The following CPNE2 variants were observed in gnomAD, a reference collection of about 807,000 sequenced individuals.
CPNE2 encodes copine 2.
Under a neutral mutation model 69.7 loss-of-function variants are expected in CPNE2, and 42 were observed. The observed-to-expected ratio is 0.60, with a 90% CI of 0.47 to 0.78. CPNE2 has a LOEUF of 0.78. CPNE2 is among the 30% of genes least tolerant of loss of function. The pLI is 0.00. For synonymous variants in CPNE2, 294 were observed against 289.8 expected (o/e 1.01, Z -0.15); for missense variants, 587 against 732.0 (o/e 0.80, Z 2.29).
At chr16:57,106,654 G>A (rs2069650557) in intron 1 of CPNE2, among the ~76,000 whole-genome samples, 1 of 145,836 alleles carries the variant, frequency 6.9e-6, no homozygotes, top group South Asian at 2.1e-4. Context: ...GGTGGCCCAG[G>A]TGGCATCTAA....
At chr16:57,131,574 C>G (rs1159668201) in intron 12 of CPNE2, among the ~76,000 whole-genome samples, 1 of 152,210 alleles carries the variant, frequency 6.6e-6, no homozygotes, top group African/African-American at 2.4e-5. Flanking sequence ...GCAAAAGCCT[C>G]CTTGTAAATG....
chr16:57,137,404 C>T, intron 14 of CPNE2, 122 bp downstream of exon 14: 2 of 1,275,948 alleles, frequency 1.6e-6, no homozygotes, highest in Non-Finnish European at 1.1e-6. Flanking sequence ...CCTTGCTTTA[C>T]CTTCACGTAT....
chr16:57,132,089 A>G (rs551059333), intron 12 of CPNE2, among the ~76,000 whole-genome samples: 1 of 152,216 alleles, frequency 6.6e-6, no homozygotes, highest in Non-Finnish European at 1.5e-5. Flanking sequence ...GACCCAGCCC[A>G]AATTTGGGAC....
Position 57,127,348 on chromosome 16 carries a change from G to T in CPNE2, c.1062-501G>T, listed in dbSNP as rs148676407. Among the ~76,000 whole-genome samples, 113 of 152,328 alleles carry T rather than the reference G, an allele frequency of 7.4e-4. 1 individual carries two copies. In the East Asian group the frequency reaches 0.013, roughly 18 times the overall value. ...GTGTTTGGGGAATAGCAAGTGGCCA[G>T]TGGCCAGGGCTAGGGGAGTGGGGTG... On this transcript the variant is annotated intron_variant, in intron 11 of 15. Coordinates refer to ENST00000290776, the MANE Select transcript of CPNE2 (RefSeq NM_152727.6).
chr16:57,105,489 G>A (rs1009286533), intron 1 of CPNE2, among the ~76,000 whole-genome samples: 1 of 151,350 alleles, frequency 6.6e-6, no homozygotes, highest in Non-Finnish European at 1.5e-5. Context: ...AGGTTGGAGT[G>A]CAGTGGCACA....
At chr16:57,138,273 T>C (rs1466293) in intron 14 of CPNE2, among the ~76,000 whole-genome samples, 137,713 of 152,142 alleles carry the variant, frequency 0.91, 62,493 homozygotes, top group Middle Eastern at 0.98. Flanking sequence ...AGAGTGTTCA[T>C]TTCACTAGAC....
chr16:57,110,672 C>T, intron 1 of CPNE2, 36 bp from the exon 2 acceptor site: 1 of 1,339,146 alleles, frequency 7.5e-7, no homozygotes. Flanking sequence ...TAGCAGGTGT[C>T]TGTCCACTCT....
At chr16:57,147,408 G>T in intron 15 of CPNE2, 143 bp from the exon 16 acceptor site, 1 of 490,786 alleles carries the variant, frequency 2.0e-6, no homozygotes, top group Admixed American at 3.5e-5. Context: ...GATGCCACTT[G>T]CAGACAGCCC....
At chr16:57,112,668 C>A (rs1473939620) in intron 2 of CPNE2, among the ~76,000 whole-genome samples, 1 of 152,180 alleles carries the variant, frequency 6.6e-6, no homozygotes, top group Non-Finnish European at 1.5e-5. Context: ...CAGGCCCTGT[C>A]CTCAGCCAGG....
intron 12 of CPNE2, among the ~76,000 whole-genome samples, chr16:57,129,673 G>A (rs1272024623): frequency 6.6e-6 from 1 of 152,196 alleles, no homozygotes; most frequent in Non-Finnish European, 1.5e-5. Flanking sequence ...ACAAAAATTA[G>A]CCCAGCGTGG....
At chr16:57,118,845 T>G (rs1396479621) in intron 5 of CPNE2, among the ~76,000 whole-genome samples, 1 of 152,242 alleles carries the variant, frequency 6.6e-6, no homozygotes, top group Non-Finnish European at 1.5e-5. Flanking sequence ...GACACCCTGC[T>G]GGGAGCCTCA....
intron 2 of CPNE2, chr16:57,112,971 G>A: frequency 4.2e-6 from 1 of 235,610 alleles, no homozygotes; most frequent in Admixed American, 5.5e-5. Flanking sequence ...CCAGGCAGGG[G>A]CAGGGCCTGA....
intron 1 of CPNE2, among the ~76,000 whole-genome samples, chr16:57,098,071 A>G (rs770976652): frequency 1.6e-5 from 2 of 123,772 alleles, no homozygotes; most frequent in Non-Finnish European, 3.3e-5. Flanking sequence ...GATGAGCTGA[A>G]CCTGGGGCCT....
intron 10 of CPNE2, chr16:57,124,105 A>G (rs1289001544): frequency 6.5e-6 from 1 of 155,036 alleles, no homozygotes; most frequent in African/African-American, 2.5e-5. Flanking sequence ...TTTTTGAGAC[A>G]GCGTCTCATT....
At chr16:57,106,470 C>G (rs2069649445) in intron 1 of CPNE2, among the ~76,000 whole-genome samples, 1 of 152,138 alleles carries the variant, frequency 6.6e-6, no homozygotes, top group East Asian at 1.9e-4. Context: ...AGGAGGTGAC[C>G]CCAGAGTGTT....
intron 1 of CPNE2, among the ~76,000 whole-genome samples, chr16:57,099,775 ATTTTTTT>A (rs776284229): frequency 9.9e-6 from 1 of 101,398 alleles, no homozygotes; most frequent in Non-Finnish European, 2.0e-5. Flanking sequence ...CTAATTTTTG[ATTTTTTT>A]TTTTTTTTTT....
chr16:57,111,314 C>T (rs1247246707), intron 2 of CPNE2, among the ~76,000 whole-genome samples: 2 of 151,670 alleles, frequency 1.3e-5, no homozygotes, highest in Middle Eastern at 3.2e-3. Context: ...TTAGCTGGGG[C>T]TACAGGTGTG....
chr16:57,126,028 G>T, intron 11 of CPNE2, 35 bp downstream of exon 11: 1 of 1,612,030 alleles, frequency 6.2e-7, no homozygotes. Flanking sequence ...GGTCAGCTAG[G>T]GTTCCATCCA....
chr16:57,124,392 T>G (rs1194455735), intron 10 of CPNE2: 1 of 456,402 alleles, frequency 2.2e-6, no homozygotes, highest in Non-Finnish European at 4.4e-6. Flanking sequence ...CTCACTATTT[T>G]CCTATTTTCT....
Sources: gnomAD v4.1 joint callset for allele counts (sites outside exome capture counted in the v4.1 genomes callset) on GRCh38, gnomAD v4.1.1 for gene constraint, MANE v1.5 for transcripts, NCBI Gene and HGNC (gene_info 2026-07-23, HGNC 2026-07-21) for gene names.